The following SHQ1 variants were observed in gnomAD, a reference collection of about 807,000 sequenced individuals.
SHQ1 encodes the protein SHQ1, H/ACA ribonucleoprotein assembly factor, also known as protein SHQ1 homolog.
A neutral mutation model predicts 53.8 loss-of-function variants in SHQ1; 49 were observed. The observed-to-expected ratio is 0.91, with a 90% CI of 0.72 to 1.16. The LOEUF (loss-of-function observed/expected upper bound fraction) is 1.16. SHQ1 is among the 50% of genes most tolerant of loss of function. SHQ1 has a pLI of 0.00. For synonymous variants in SHQ1, 243 were observed against 251.0 expected, an observed-to-expected ratio of 0.97 and a Z score of 0.30; for missense variants, 738 against 683.1, an observed-to-expected ratio of 1.08 and a Z score of -0.90.
At chr3:72,836,020 T>C (rs973152078) in intron 4 of SHQ1, among the ~76,000 whole-genome samples, 2 of 152,238 alleles carry the variant, frequency 1.3e-5, no homozygotes, top group Non-Finnish European at 2.9e-5. Context: ...TCTTCTTCAC[T>C]GTATCCCCAT....
chr3:72,837,611 T>C (rs984940727), intron 4 of SHQ1, among the ~76,000 whole-genome samples: 1 of 152,180 alleles, frequency 6.6e-6, no homozygotes, highest in African/African-American at 2.4e-5. Context: ...TAGGCAGAAC[T>C]AGAAAAAATA....
In SHQ1 at chr3:72,843,952, T is replaced by C. The variant is rs545540690; in HGVS notation, c.208+407A>G. Among the ~76,000 whole-genome samples, 205 of 152,352 alleles carry C rather than the reference T, an allele frequency of 1.3e-3. 2 individuals carry two copies. Among genetic ancestry groups the C allele is most frequent in the African/African-American group, 4.5e-3 (188 of 41,584 alleles). On this transcript the variant is annotated intron_variant, in intron 2 of 10. Transcript: ENST00000325599. ...TCAATTAGCCTTTAAATGCCACCCA[T>C]GCATAGTTTCTCTCTCACCTACCTG...
At chr3:72,733,083 C>T in the SHQ1 span, among the ~76,000 whole-genome samples, 2 of 151,518 alleles carry the variant, frequency 1.3e-5, no homozygotes, top group Non-Finnish European at 2.9e-5. Context: ...TGGGGTGGAG[C>T]CCAGTGCACA....
chr3:72,819,803 T>C (rs1185210805), intron 6 of SHQ1, among the ~76,000 whole-genome samples: 3 of 152,204 alleles, frequency 2.0e-5, no homozygotes, highest in Non-Finnish European at 4.4e-5. Flanking sequence ...GGAGGACGCA[T>C]CTGAAGTTCC....
At chr3:72,848,125 G>T in intron 1 of SHQ1, 73 bp downstream of exon 1, 1 of 1,579,316 alleles carries the variant, frequency 6.3e-7, no homozygotes, top group Non-Finnish European at 8.7e-7. Context: ...CTGCTCTCTC[G>T]ACCTTGCATT....
intron 10 of SHQ1, among the ~76,000 whole-genome samples, chr3:72,766,691 T>C (rs897709754): frequency 2.6e-5 from 4 of 152,110 alleles, no homozygotes; most frequent in Admixed American, 2.0e-4. Flanking sequence ...GGAGGAAAGA[T>C]TTCAGCACAT....
At chr3:72,830,981 G>A (rs960408792) in intron 5 of SHQ1, among the ~76,000 whole-genome samples, 1 of 152,150 alleles carries the variant, frequency 6.6e-6, no homozygotes, top group Non-Finnish European at 1.5e-5. Flanking sequence ...TTTCAGTCTT[G>A]TAAAGTTCAT....
chr3:72,795,887 G>A (rs894568644), intron 9 of SHQ1, among the ~76,000 whole-genome samples: 1 of 151,918 alleles, frequency 6.6e-6, no homozygotes, highest in Non-Finnish European at 1.5e-5. Flanking sequence ...GGCGGATTAC[G>A]AGGTCAGAAG....
intron 10 of SHQ1, among the ~76,000 whole-genome samples, chr3:72,775,039 A>C (rs1705926618): frequency 6.6e-6 from 1 of 152,108 alleles, no homozygotes; most frequent in African/African-American, 2.4e-5. Context: ...CGCTTGAACC[A>C]GGGAAGCAGA....
At chr3:72,726,540 C>T in the SHQ1 span, among the ~76,000 whole-genome samples, 13 of 152,152 alleles carry the variant, frequency 8.5e-5, no homozygotes, top group African/African-American at 1.2e-4. Context: ...TTAGTAGCAA[C>T]GGGGTTTTGC....
intron 9 of SHQ1, among the ~76,000 whole-genome samples, chr3:72,810,683 T>G (rs1707089107): frequency 6.6e-6 from 1 of 152,134 alleles, no homozygotes; most frequent in Non-Finnish European, 1.5e-5. Context: ...AATTATGGGG[T>G]GTTCAAACAA....
chr3:72,766,851 G>C (rs574037051), intron 10 of SHQ1, among the ~76,000 whole-genome samples: 1 of 152,156 alleles, frequency 6.6e-6, no homozygotes, highest in Admixed American at 6.5e-5. Context: ...GTTGTCCAGC[G>C]GGCTTCACAT....
At chr3:72,772,915 T>A (rs776655311) in intron 10 of SHQ1, 20 of 822,054 alleles carry the variant, frequency 2.4e-5, no homozygotes, top group Non-Finnish European at 4.3e-5. Context: ...AACTTCTAAA[T>A]GGGAGTTATT....
chr3:72,832,539 CT>C (rs2106925655), intron 4 of SHQ1, 58 bp from the exon 5 acceptor site: 1 of 1,259,624 alleles, frequency 7.9e-7, no homozygotes, highest in Admixed American at 2.1e-5. Context: ...GCATTTAAAA[CT>C]CAAATTTTAT....
At chr3:72,754,848 T>G (rs1225515722) in intron 10 of SHQ1, among the ~76,000 whole-genome samples, 1 of 152,238 alleles carries the variant, frequency 6.6e-6, no homozygotes, top group African/African-American at 2.4e-5. Context: ...CATATAAGCA[T>G]CATCTATGGA....
intron 4 of SHQ1, 41 bp downstream of exon 4, chr3:72,841,004 A>G: frequency 6.4e-7 from 1 of 1,559,704 alleles, no homozygotes; most frequent in Non-Finnish European, 8.6e-7. Context: ...ATCCAAATGG[A>G]AAAACCCTAT....
At chr3:72,788,517 C>T (rs1327121389) in intron 10 of SHQ1, among the ~76,000 whole-genome samples, 1 of 152,084 alleles carries the variant, frequency 6.6e-6, no homozygotes, top group African/African-American at 2.4e-5. Context: ...CGCCTCTGCC[C>T]TGCCGCCCCG....
chr3:72,842,467 A>T (rs1708204064), intron 2 of SHQ1, 65 bp from the exon 3 acceptor site: 2 of 1,468,162 alleles, frequency 1.4e-6, no homozygotes. Flanking sequence ...AATAGCTTAC[A>T]CCAGTAATCC....
intron 4 of SHQ1, among the ~76,000 whole-genome samples, chr3:72,833,479 TAGATAGATAGATAGATAGATAGACAGAC>T (rs1306455464): frequency 0.014 from 1,116 of 80,680 alleles, 27 homozygotes; most frequent in Middle Eastern, 0.014. Flanking sequence ...GATAGATAGA[TAGATAGATAGATAGATAGATAGACAGAC>T]AGACAGACAG....
Sources: allele counts gnomAD v4.1 joint callset (sites outside exome capture counted in the v4.1 genomes callset), GRCh38; gene constraint gnomAD v4.1.1; transcripts MANE v1.5; gene names NCBI Gene and HGNC (gene_info 2026-07-23, HGNC 2026-07-21).